KATNIP: variants seen among roughly 807,000 people sequenced by gnomAD.
KATNIP encodes katanin interacting protein.
Under a neutral mutation model 174.0 loss-of-function variants are expected in KATNIP, and 126 were observed. The observed-to-expected ratio is 0.72, with a 90% CI of 0.63 to 0.84. The LOEUF (loss-of-function observed/expected upper bound fraction) is 0.84, where lower values mean the gene tolerates loss of function less well. Among genes scored for constraint, KATNIP ranks in the 40% least tolerant of loss-of-function variants. The probability of loss-of-function intolerance (pLI) is 0.00; values close to 1 mark genes in which losing one functional copy is unlikely to be tolerated. For synonymous variants in KATNIP, 810 were observed against 835.7 expected (o/e 0.97, Z 0.53); for missense variants, 1,958 against 2,109.7 (o/e 0.93, Z 1.41).
At chr16:27,552,665 A>G (rs1370263867) in intron 1 of KATNIP, among the ~76,000 whole-genome samples, 4 of 141,790 alleles carry the variant, frequency 2.8e-5, no homozygotes, top group Non-Finnish European at 1.5e-5. Flanking sequence ...GTGAGCCACC[A>G]TGCCTGGCCT....
intron 15 of KATNIP, among the ~76,000 whole-genome samples, chr16:27,741,341 G>C (rs574900401): frequency 6.6e-6 from 1 of 152,238 alleles, no homozygotes; most frequent in African/African-American, 2.4e-5. Context: ...GGGAGGCTTA[G>C]GTAGGAGGAT....
At chr16:27,657,619 A>AC (rs1385449504) in intron 6 of KATNIP, among the ~76,000 whole-genome samples, 1 of 152,010 alleles carries the variant, frequency 6.6e-6, no homozygotes, top group East Asian at 1.9e-4. Flanking sequence ...AAACAAACAA[A>AC]AAAAAAACAA....
intron 12 of KATNIP, 156 bp from the exon 13 acceptor site, chr16:27,708,549 A>C: frequency 1.7e-6 from 1 of 593,844 alleles, no homozygotes; most frequent in Non-Finnish European, 3.0e-6. Flanking sequence ...TGTAATAACC[A>C]TAGGTAGTGG....
At chr16:27,661,740 C>T (rs1352447565) in intron 6 of KATNIP, among the ~76,000 whole-genome samples, 2 of 147,958 alleles carry the variant, frequency 1.4e-5, no homozygotes, top group Non-Finnish European at 3.0e-5. Flanking sequence ...ATGTTGGCAA[C>T]TAATTTATAG....
intron 14 of KATNIP, among the ~76,000 whole-genome samples, chr16:27,722,077 T>G (rs2080267484): frequency 6.6e-6 from 1 of 152,168 alleles, no homozygotes. Flanking sequence ...AGCCTTCACT[T>G]CTCAAATGTT....
rs1247306204 is a variant in KATNIP, at chr16:27,766,434, T to C, written c.3935T>C (p.Phe1312Ser). 2 of 1,613,806 alleles carry C rather than the reference T, an allele frequency of 1.2e-6. No individual in the cohort carries two copies. The highest frequency in any genetic ancestry group is 1.7e-5 in the Admixed American group (1 of 60,004). The part of the protein sequence containing the change: ...DRAESIAGLR[F>S]WNYNKSPEDT... ...GCCGAAAGCATCGCAGGCCTGCGCT[T>C]CTGGAACTACAATAAATCTCCCGAG... The change falls in exon 20 of 28, where the codon TTC (phenylalanine) becomes TCC (serine). Residue 1312 changes from phenylalanine to serine, a missense_variant. This residue lies in a region of KATNIP where 383 missense variants were observed against 456.0 expected (regional missense o/e 0.84). Coordinates refer to ENST00000261588, the MANE Select transcript of KATNIP (RefSeq NM_015202.5).
intron 14 of KATNIP, among the ~76,000 whole-genome samples, chr16:27,722,918 C>T (rs533766689): frequency 6.6e-6 from 1 of 152,184 alleles, no homozygotes; most frequent in Non-Finnish European, 1.5e-5. Flanking sequence ...TCAAACAAAA[C>T]TCTTCTTTGG....
chr16:27,702,664 G>A lies in KATNIP; in HGVS notation c.1286+969G>A, dbSNP rs538346412. Among the ~76,000 whole-genome samples the A allele has an allele frequency of 9.9e-4, 150 of 152,284 alleles. 1 individual carries two copies. Among genetic ancestry groups the A allele is most frequent in the African/African-American group, 3.3e-3 (137 of 41,564 alleles). The stretch of plus-strand genomic sequence containing the variant: ...GCATCAGCCCAGAAAGGGGGTGGTC[G>A]TTTTTCTGCATGAAGAAGGAATTCA... On this transcript the variant is annotated intron_variant, in intron 11 of 27. Coordinates refer to ENST00000261588, the MANE Select transcript of KATNIP (RefSeq NM_015202.5).
intron 15 of KATNIP, among the ~76,000 whole-genome samples, chr16:27,742,999 T>C (rs1241875602): frequency 6.6e-6 from 1 of 152,128 alleles, no homozygotes; most frequent in African/African-American, 2.4e-5. Context: ...TTCCTAATGC[T>C]CTCCCTCCTC....
chr16:27,777,878 C>T lies in KATNIP; in HGVS notation c.4713-3C>T, dbSNP rs2082557510. The stretch of plus-strand genomic sequence containing the variant: ...GAATCTTGTGTTTCCTTCCTACCCT[C>T]AGTAATCAGGCCGAGGATCAAGATG... On this transcript the variant is annotated splice_polypyrimidine_tract_variant and splice_region_variant and intron_variant, in intron 26 of 27. Coordinates refer to ENST00000261588, the MANE Select transcript of KATNIP (RefSeq NM_015202.5). This position sits in a 1 kb window ranked among gnomAD's most constrained non-coding sequence, Gnocchi z 4.4. The T allele has an allele frequency of 6.2e-7, 1 of 1,613,922 alleles. No homozygotes were observed. Among genetic ancestry groups the T allele is most frequent in the Non-Finnish European group, 8.5e-7 (1 of 1,179,864 alleles).
chr16:27,766,305 G>T lies in KATNIP; in HGVS notation c.3810-4G>T, dbSNP rs1162999805. 1.2e-6 allele frequency: 2 copies of T among 1,613,838 alleles called. No individual in the cohort carries two copies. Among genetic ancestry groups the T allele is most frequent in the African/African-American group, 1.3e-5 (1 of 74,932 alleles). ...CCCCTGCCGCTCCGTCCCCATTGCT[G>T]CAGGTTAATTGATGGCACCAACATC... On this transcript the variant is annotated splice_region_variant and splice_polypyrimidine_tract_variant and intron_variant, in intron 19 of 27. Transcript: ENST00000261588.
At chr16:27,674,219 C>T (rs927630043) in intron 6 of KATNIP, among the ~76,000 whole-genome samples, 4 of 152,192 alleles carry the variant, frequency 2.6e-5, no homozygotes, top group Admixed American at 6.5e-5. Flanking sequence ...CAGCTGTATT[C>T]GTTTCCTATT....
chr16:27,752,647 G>C (rs2081563297), intron 17 of KATNIP, among the ~76,000 whole-genome samples: 1 of 152,170 alleles, frequency 6.6e-6, no homozygotes, highest in Admixed American at 6.5e-5. Context: ...AACTCCCGGG[G>C]CTCAAGCAAT....
intron 2 of KATNIP, among the ~76,000 whole-genome samples, chr16:27,616,756 A>G (rs530210645): frequency 6.6e-6 from 1 of 151,308 alleles, no homozygotes; most frequent in African/African-American, 2.4e-5. Flanking sequence ...AAAGAAATAA[A>G]AGGGTATATG....
At chr16:27,657,993 G>A (rs1483713006) in intron 6 of KATNIP, among the ~76,000 whole-genome samples, 1 of 152,184 alleles carries the variant, frequency 6.6e-6, no homozygotes, top group Non-Finnish European at 1.5e-5. Flanking sequence ...GTTATACAAG[G>A]TATTACCATT....
rs1249096921 is a variant in KATNIP at position 27,779,301 on chromosome 16, A to T, written c.*672A>T. On this transcript the variant is annotated 3_prime_UTR_variant, in exon 28 of 28. Coordinates refer to ENST00000261588, the MANE Select transcript of KATNIP (RefSeq NM_015202.5). ...TGCATCCTGCAGAGGGAAGGAAGTCAGCTGGGCCACCCGCCATCCACCTTG... is the reference window on the plus strand; with the variant it reads ...TGCATCCTGCAGAGGGAAGGAAGTCTGCTGGGCCACCCGCCATCCACCTTG... 1.3e-5 allele frequency: 2 copies of T among 152,484 alleles called. No individual in the cohort carries two copies. The highest frequency in any genetic ancestry group is 2.9e-5 in the Non-Finnish European group (2 of 68,274). 9.4% of individuals were successfully genotyped at this position (152,484 alleles called of 1,614,324 possible).
At chr16:27,570,103 G>A (rs769143342) in intron 1 of KATNIP, among the ~76,000 whole-genome samples, 16 of 152,216 alleles carry the variant, frequency 1.1e-4, no homozygotes, top group Non-Finnish European at 2.2e-4. Context: ...GTAACTGAAC[G>A]ACTGAACGCA....
chr16:27,768,713 G>A (rs1055963849), intron 20 of KATNIP, among the ~76,000 whole-genome samples: 6 of 152,182 alleles, frequency 3.9e-5, no homozygotes, highest in South Asian at 2.1e-4. Flanking sequence ...AGCCACGCCC[G>A]AAGCCAGGTA....
At position 27,654,733 on chromosome 16, in the gene KATNIP, G is replaced by A. The variant is rs541965688; in HGVS notation, c.540+5998G>A. On this transcript the variant is annotated intron_variant, in intron 6 of 27. Transcript: ENST00000261588. ...GGATCCTCTTAACTATTCAGGATGT[G>A]ATGGTAAGATCAGTTTTCAGCATCC... 57 of 1,351,900 alleles carry A rather than the reference G, an allele frequency of 4.2e-5. No homozygotes were observed. In the East Asian group the frequency reaches 5.5e-4, roughly 13 times the overall value. The allele number at this position is 1,351,900 out of a possible 1,614,324, so 83.7% of individuals were successfully genotyped here. A position where few individuals can be genotyped will look rare whatever the true frequency, so the allele number is the denominator to read the frequency against.
Sources: allele counts gnomAD v4.1 joint callset (sites outside exome capture counted in the v4.1 genomes callset), GRCh38; gene constraint gnomAD v4.1.1; regional missense constraint gnomAD v4.1.1; non-coding constraint Gnocchi (gnomAD v3.1); transcripts MANE v1.5; gene names NCBI Gene and HGNC (gene_info 2026-07-23, HGNC 2026-07-21).